Variants in PPM1L observed in about 807,000 individuals in gnomAD.
The protein encoded by PPM1L is protein phosphatase, Mg2+/Mn2+ dependent 1L, also known as protein phosphatase 1L.
A neutral mutation model predicts 31.4 loss-of-function variants in PPM1L; 13 were observed. That is an observed-to-expected ratio of 0.41 (90% CI 0.27 to 0.66). PPM1L has a LOEUF of 0.66. PPM1L is among the 30% of genes least tolerant of loss of function. PPM1L has a pLI of 0.29. For missense variants in PPM1L, 326 were observed against 453.7 expected (o/e 0.72, Z 2.56); for synonymous variants, 184 against 175.4 (o/e 1.05, Z -0.39).
intron 1 of PPM1L, among the ~76,000 whole-genome samples, chr3:160,795,144 G>A (rs1180715521): frequency 6.6e-6 from 1 of 152,134 alleles, no homozygotes; most frequent in African/African-American, 2.4e-5. Flanking sequence ...CACATACATA[G>A]CAGATTGTAT....
intron 1 of PPM1L, among the ~76,000 whole-genome samples, chr3:160,815,477 G>C (rs143215762): frequency 5.4e-4 from 82 of 152,196 alleles, no homozygotes; most frequent in African/African-American, 1.9e-3. Context: ...GTACAGGGGA[G>C]GGGGAGGGTG....
At chr3:161,020,784 GTTT>G (rs1169231834) in intron 2 of PPM1L, among the ~76,000 whole-genome samples, 4 of 151,884 alleles carry the variant, frequency 2.6e-5, no homozygotes, top group South Asian at 2.1e-4. Flanking sequence ...ATCAGTTTGT[GTTT>G]TTTTAGGAAC....
At chr3:160,985,896 A>G (rs967995820) in intron 2 of PPM1L, among the ~76,000 whole-genome samples, 3 of 151,976 alleles carry the variant, frequency 2.0e-5, no homozygotes, top group African/African-American at 7.2e-5. Flanking sequence ...AATATTCTCC[A>G]GGGATGATTA....
At chr3:160,842,659 GGCTTGTA>G (rs1255389517) in intron 1 of PPM1L, among the ~76,000 whole-genome samples, 1 of 152,082 alleles carries the variant, frequency 6.6e-6, no homozygotes, top group Non-Finnish European at 1.5e-5. Context: ...TCTCATTTAA[GGCTTGTA>G]TTAAATCTCT....
chr3:161,052,186 AG>A (rs1305702987), intron 2 of PPM1L, among the ~76,000 whole-genome samples: 1 of 152,212 alleles, frequency 6.6e-6, no homozygotes, highest in Non-Finnish European at 1.5e-5. Flanking sequence ...ACTGGAGCAA[AG>A]GTTTATGATT....
At chr3:160,809,183 A>G (rs1712733303) in intron 1 of PPM1L, among the ~76,000 whole-genome samples, 1 of 152,114 alleles carries the variant, frequency 6.6e-6, no homozygotes, top group Non-Finnish European at 1.5e-5. Context: ...TTTTTCTTGA[A>G]TTGCTTAGAT....
Position 160,979,009 on chromosome 3 carries a change from T to C in PPM1L, c.574+17099T>C, listed in dbSNP as rs185907708. On this transcript the variant is annotated intron_variant, in intron 2 of 3. Transcript: ENST00000498165. ...TTGAACATGTAGAATATCGAGTGTATTCACATGCATTTATAGAAAAATATT... is the reference window on the plus strand; with the variant it reads ...TTGAACATGTAGAATATCGAGTGTACTCACATGCATTTATAGAAAAATATT... Among the ~76,000 whole-genome samples, 3 of 152,132 alleles carry C rather than the reference T, an allele frequency of 2.0e-5. No homozygotes were observed. The East Asian group carries it at 5.8e-4, about 29-fold the overall frequency.
chr3:160,955,775 C>A (rs927662938), intron 1 of PPM1L, among the ~76,000 whole-genome samples: 1 of 151,804 alleles, frequency 6.6e-6, no homozygotes, highest in African/African-American at 2.4e-5. Context: ...CTCAGCCTCC[C>A]GAGTAGCTGG....
intron 1 of PPM1L, among the ~76,000 whole-genome samples, chr3:160,786,581 T>G (rs1237459822): frequency 8.2e-6 from 1 of 122,308 alleles, no homozygotes; most frequent in African/African-American, 3.6e-5. Context: ...GCCATTTGGG[T>G]TTTTTTTTTT....
chr3:161,019,435 T>G (rs1435053697), intron 2 of PPM1L, among the ~76,000 whole-genome samples: 1 of 152,174 alleles, frequency 6.6e-6, no homozygotes, highest in Non-Finnish European at 1.5e-5. Flanking sequence ...AGATCTCAAG[T>G]GATCCTCCTA....
chr3:160,954,326 T>C (rs1026096756), intron 1 of PPM1L, among the ~76,000 whole-genome samples: 1 of 148,836 alleles, frequency 6.7e-6, no homozygotes, highest in Admixed American at 6.7e-5. Flanking sequence ...TAATTCACCC[T>C]TTTTTTTTTC....
intron 1 of PPM1L, among the ~76,000 whole-genome samples, chr3:160,828,077 A>T (rs1404897995): frequency 6.6e-6 from 1 of 150,524 alleles, no homozygotes; most frequent in Non-Finnish European, 1.5e-5. Context: ...TGACGCAAAC[A>T]CCTCCCACCA....
intron 2 of PPM1L, among the ~76,000 whole-genome samples, chr3:160,976,227 C>T (rs1482632121): frequency 1.4e-4 from 20 of 142,806 alleles, no homozygotes; most frequent in African/African-American, 5.1e-4. Flanking sequence ...ATGAAGCCCA[C>T]TTGATCATGG....
intron 2 of PPM1L, among the ~76,000 whole-genome samples, chr3:161,031,521 G>A (rs1320694896): frequency 6.5e-5 from 2 of 30,614 alleles, no homozygotes; most frequent in African/African-American, 3.0e-4. Context: ...TTTTTTTTGA[G>A]AGAGAGTCTC....
chr3:160,979,744 A>T (rs1483315112), intron 2 of PPM1L, among the ~76,000 whole-genome samples: 3 of 152,072 alleles, frequency 2.0e-5, no homozygotes, highest in African/African-American at 7.2e-5. Flanking sequence ...TATTTCTTAA[A>T]ATTTATAAAA....
intron 1 of PPM1L, among the ~76,000 whole-genome samples, chr3:160,919,382 G>T (rs570749025): frequency 6.6e-6 from 1 of 152,106 alleles, no homozygotes; most frequent in Admixed American, 6.6e-5. Flanking sequence ...ATTTGATTGT[G>T]GCCATTTTGA....
chr3:160,899,477 G>A (rs1038025200), intron 1 of PPM1L, among the ~76,000 whole-genome samples: 11 of 152,194 alleles, frequency 7.2e-5, no homozygotes, highest in African/African-American at 1.9e-4. Context: ...CAATGAATTG[G>A]ATTTTAAAAT....
At chr3:160,813,922 G>T (rs778890913) in intron 1 of PPM1L, among the ~76,000 whole-genome samples, 3 of 152,136 alleles carry the variant, frequency 2.0e-5, no homozygotes, top group Non-Finnish European at 4.4e-5. Context: ...CAACTTGACA[G>T]TACAGATCAC....
intron 1 of PPM1L, chr3:160,842,098 G>GAATATTAC: frequency 1.7e-6 from 1 of 576,286 alleles, no homozygotes; most frequent in Non-Finnish European, 3.1e-6. Context: ...GAGTGGGTTG[G>GAATATTAC]AATATTACAT....
Sources: gnomAD v4.1 joint callset for allele counts (sites outside exome capture counted in the v4.1 genomes callset) on GRCh38, gnomAD v4.1.1 for gene constraint, MANE v1.5 for transcripts, NCBI Gene and HGNC (gene_info 2026-07-23, HGNC 2026-07-21) for gene names.